PRKCH: variants seen among roughly 807,000 people sequenced by gnomAD.
PRKCH encodes protein kinase C eta type.
Under a neutral mutation model 82.5 loss-of-function variants are expected in PRKCH, and 28 were observed. That is an observed-to-expected ratio of 0.34 (90% confidence interval 0.25 to 0.47). The LOEUF (loss-of-function observed/expected upper bound fraction) is 0.47, where lower values mean the gene tolerates loss of function less well. PRKCH is among the 20% of genes least tolerant of loss of function. The probability of loss-of-function intolerance (pLI) is 1.00; values close to 1 mark genes in which losing one functional copy is unlikely to be tolerated. For synonymous variants in PRKCH, 322 were observed against 327.4 expected, an observed-to-expected ratio of 0.98 and a Z score of 0.18; for missense variants, 705 against 881.8, an observed-to-expected ratio of 0.80 and a Z score of 2.54.
At chr14:61,448,923 T>C (rs906199446) in intron 4 of PRKCH, among the ~76,000 whole-genome samples, 7 of 152,132 alleles carry the variant, frequency 4.6e-5, no homozygotes, top group African/African-American at 1.4e-4. Flanking sequence ...GGGTGCAGGA[T>C]GGAATAAAGT....
chr14:61,531,425 C>T (rs1088678), intron 12 of PRKCH, among the ~76,000 whole-genome samples: 79,460 of 152,082 alleles, frequency 0.52, 25,332 homozygotes, highest in Non-Finnish European at 0.7. Flanking sequence ...AATTACTATC[C>T]TTAAGTTATA....
rs145738247 is a variant in PRKCH, at chr14:61,324,835, C to A, written c.363+2371C>A. On this transcript the variant is annotated intron_variant, in intron 1 of 13. Transcript: ENST00000332981. ...ATTTTAAATTGACATGTAGTTTATT[C>A]AGAGAGTTAAATGTGGAATAATTGA... 4.2e-3 allele frequency among the ~76,000 whole-genome samples: 645 copies of A among 152,142 alleles called. 5 individuals carry two copies. Among genetic ancestry groups the A allele is most frequent in the Admixed American group, 6.7e-3 (102 of 15,284 alleles).
At position 61,445,388 on chromosome 14, in the gene PRKCH, T is replaced by G. The variant is rs73320078; in HGVS notation, c.579-304T>G. On this transcript the variant is annotated intron_variant, in intron 3 of 13. Coordinates refer to ENST00000332981, the MANE Select transcript of PRKCH (RefSeq NM_006255.5). ...GGTGGGAACTCTTCAGGCCAAGGCT[T>G]AATCACACGTACAGATGAGGATTTA... 7.2e-3 allele frequency among the ~76,000 whole-genome samples: 1,095 copies of G among 152,342 alleles called. 13 individuals carry two copies. Among genetic ancestry groups the G allele is most frequent in the African/African-American group, 0.025 (1,033 of 41,578 alleles).
At chr14:61,459,914 G>T (rs550099674) in intron 9 of PRKCH, among the ~76,000 whole-genome samples, 42 of 152,228 alleles carry the variant, frequency 2.8e-4, no homozygotes, top group Admixed American at 5.9e-4. Flanking sequence ...GACGGTTATG[G>T]CTCACTGCAG....
chr14:61,318,761 G>C (rs563345325), upstream of PRKCH, among the ~76,000 whole-genome samples: 3 of 151,854 alleles, frequency 2.0e-5, no homozygotes, highest in African/African-American at 7.3e-5. Flanking sequence ...CCCCACACTC[G>C]TGCTGCTTCT....
intron 1 of PRKCH, among the ~76,000 whole-genome samples, chr14:61,284,589 A>G (rs979548308): frequency 5.3e-5 from 8 of 152,162 alleles, no homozygotes; most frequent in African/African-American, 1.9e-4. Context: ...ATAGATATAC[A>G]TTGTCGTGTT....
chr14:61,360,642 T>C (rs1382700300), intron 1 of PRKCH, among the ~76,000 whole-genome samples: 2 of 152,250 alleles, frequency 1.3e-5, no homozygotes, highest in East Asian at 1.9e-4. Flanking sequence ...TTGGATAATA[T>C]AAAAACACTT....
chr14:61,437,500 G>T (rs1883734403), intron 2 of PRKCH, among the ~76,000 whole-genome samples: 1 of 152,196 alleles, frequency 6.6e-6, no homozygotes, highest in South Asian at 2.1e-4. Flanking sequence ...AAAGACATTT[G>T]ATAGTATATC....
At chr14:61,382,305 C>T (rs1040659789) in intron 1 of PRKCH, among the ~76,000 whole-genome samples, 2 of 152,016 alleles carry the variant, frequency 1.3e-5, no homozygotes, top group African/African-American at 4.8e-5. Flanking sequence ...TGGTGTACAC[C>T]CATAATCCCA....
intron 1 of PRKCH, among the ~76,000 whole-genome samples, chr14:61,348,252 G>A (rs2140145021): frequency 6.6e-6 from 1 of 152,306 alleles, no homozygotes; most frequent in South Asian, 2.1e-4. Context: ...TTGCCCATAT[G>A]TTCCACATGA....
At chr14:61,374,666 G>A (rs527410735) in intron 1 of PRKCH, among the ~76,000 whole-genome samples, 2 of 152,024 alleles carry the variant, frequency 1.3e-5, no homozygotes, top group Non-Finnish European at 2.9e-5. Context: ...GCCCCTTTTA[G>A]CCATGGTTGA....
intron 2 of PRKCH, among the ~76,000 whole-genome samples, chr14:61,418,944 C>G (rs1005376648): frequency 3.3e-5 from 5 of 152,288 alleles, no homozygotes; most frequent in African/African-American, 1.2e-4. Flanking sequence ...AGCCAACACC[C>G]GTGGCTTCCT....
chr14:61,264,111 A>G (rs920638432), intron 1 of PRKCH, among the ~76,000 whole-genome samples: 6 of 152,074 alleles, frequency 3.9e-5, no homozygotes, highest in African/African-American at 1.4e-4. Context: ...TTAAAAATCA[A>G]TTCCTCGGGT....
chr14:61,228,874 CT>C (rs1203325345), intron 1 of PRKCH, among the ~76,000 whole-genome samples: 1 of 151,236 alleles, frequency 6.6e-6, no homozygotes, highest in Non-Finnish European at 1.5e-5. Flanking sequence ...GATCCTCTCC[CT>C]TTAAAAAAAA....
chr14:61,433,733 GC>G (rs1348894046), intron 2 of PRKCH, among the ~76,000 whole-genome samples: 1 of 152,118 alleles, frequency 6.6e-6, no homozygotes, highest in Non-Finnish European at 1.5e-5. Context: ...AACAGAAACA[GC>G]AACTTTTAAA....
intron 2 of PRKCH, among the ~76,000 whole-genome samples, chr14:61,441,244 C>T (rs28683659): frequency 0.015 from 2,321 of 152,216 alleles, 59 homozygotes; most frequent in African/African-American, 0.054. Context: ...TAGCTTTGTG[C>T]TAAGCTCTTT....
chr14:61,480,835 G>A lies in PRKCH; in HGVS notation c.1279-4667G>A, dbSNP rs777421584. The stretch of plus-strand genomic sequence containing the variant: ...AAGCCTCACACTCACCCACTCCAGC[G>A]CTTGACAACCTGCCTGCCTTCGCAG... On this transcript the variant is annotated intron_variant, in intron 9 of 13. Transcript: ENST00000332981. Among the ~76,000 whole-genome samples, 17 of 152,142 alleles carry A rather than the reference G, an allele frequency of 1.1e-4. 1 individual carries two copies. The highest frequency in any genetic ancestry group is 7.3e-5 in the Non-Finnish European group (5 of 68,032).
chr14:61,354,898 T>A (rs1326870587), intron 1 of PRKCH, among the ~76,000 whole-genome samples: 3 of 152,236 alleles, frequency 2.0e-5, no homozygotes, highest in Admixed American at 6.5e-5. Flanking sequence ...TTTTCCTTGG[T>A]ACCCTCAGTA....
chr14:61,326,284 G>T (rs2045695455), intron 1 of PRKCH, among the ~76,000 whole-genome samples: 1 of 152,194 alleles, frequency 6.6e-6, no homozygotes, highest in South Asian at 2.1e-4. Flanking sequence ...TATTACACAT[G>T]TAACAACAGG....
Sources: gnomAD v4.1 joint callset for allele counts (sites outside exome capture counted in the v4.1 genomes callset) on GRCh38, gnomAD v4.1.1 for gene constraint, MANE v1.5 for transcripts, NCBI Gene and HGNC (gene_info 2026-07-23, HGNC 2026-07-21) for gene names.